Variants in ADCY8 observed in about 807,000 individuals in gnomAD.
The protein encoded by ADCY8 is adenylate cyclase type 8.
Under a neutral mutation model 119.7 loss-of-function variants are expected in ADCY8, and 51 were observed. The observed-to-expected ratio is 0.43, with a 90% CI of 0.34 to 0.54. The LOEUF (loss-of-function observed/expected upper bound fraction) is 0.54, where lower values mean the gene tolerates loss of function less well. ADCY8 is among the 20% of genes least tolerant of loss of function. The probability of loss-of-function intolerance (pLI) is 0.03; values close to 1 mark genes in which losing one functional copy is unlikely to be tolerated. For synonymous variants in ADCY8, 665 were observed against 651.0 expected (o/e 1.02, Z -0.33); for missense variants, 1,383 against 1,598.8 (o/e 0.87, Z 2.30).
intron 15 of ADCY8, among the ~76,000 whole-genome samples, chr8:130,787,770 T>C (rs1313480600): frequency 2.0e-5 from 3 of 150,956 alleles, no homozygotes; most frequent in African/African-American, 7.4e-5. Context: ...TGTCCACATG[T>C]ATGTGTGCCT....
At chr8:130,805,890 C>A (rs1413010384) in intron 14 of ADCY8, among the ~76,000 whole-genome samples, 2 of 152,106 alleles carry the variant, frequency 1.3e-5, no homozygotes, top group Non-Finnish European at 2.9e-5. Context: ...ACAAACAGGT[C>A]CATGAGGATA....
intron 17 of ADCY8, among the ~76,000 whole-genome samples, chr8:130,782,404 G>T (rs1391279594): frequency 6.6e-6 from 1 of 152,192 alleles, no homozygotes; most frequent in Non-Finnish European, 1.5e-5. Flanking sequence ...CGGAGACACA[G>T]AAGGTTTAAA....
rs751412088 is a variant in ADCY8 at position 130,990,475 on chromosome 8, T to A, written c.1028A>T (p.Asp343Val). 8 of 1,614,194 alleles carry A rather than the reference T, an allele frequency of 5.0e-6. No homozygotes were observed. In the South Asian group the frequency reaches 8.8e-5, roughly 18 times the overall value. Residue 343 changes from aspartate (D) to valine (V), a missense_variant, in exon 2 of 18, where the codon GAC (aspartate) becomes GTC (valine). Physicochemically the swap from Asp to Val is radical, Grantham distance 152 (BLOSUM62 -3). This residue lies in a region of ADCY8 where 928 missense variants were observed against 1,163.5 expected (regional missense o/e 0.80). Coordinates refer to ENST00000286355, the MANE Select transcript of ADCY8 (RefSeq NM_001115.3). The stretch of plus-strand genomic sequence containing the variant: ...CAGGAAAGCTTGGCGCTGGGCCCGG[T>A]CTGACAGGTAACTGATGAAGATTCC... ...TAGIFISYLS[D>V]RAQRQAFLET...
intron 1 of ADCY8, among the ~76,000 whole-genome samples, chr8:131,014,977 C>T (rs765374686): frequency 4.0e-4 from 61 of 152,096 alleles, no homozygotes; most frequent in Non-Finnish European, 5.7e-4. Context: ...CAAAATGGGA[C>T]GTATTTCAGA....
At chr8:130,870,183 T>A (rs1818301519) in intron 8 of ADCY8, among the ~76,000 whole-genome samples, 1 of 151,818 alleles carries the variant, frequency 6.6e-6, no homozygotes, top group African/African-American at 2.4e-5. Context: ...CTGGCTAATT[T>A]TTGTATTTTT....
chr8:130,913,502 T>G (rs925783540), intron 5 of ADCY8, among the ~76,000 whole-genome samples: 1 of 152,146 alleles, frequency 6.6e-6, no homozygotes, highest in African/African-American at 2.4e-5. Flanking sequence ...GTAATATGTG[T>G]CACTTCTGGG....
chr8:130,918,230 C>T (rs906270783), intron 5 of ADCY8, among the ~76,000 whole-genome samples: 5 of 152,134 alleles, frequency 3.3e-5, no homozygotes, highest in African/African-American at 7.2e-5. Flanking sequence ...TCTGAGATTA[C>T]GGTGCTAGCA....
At chr8:131,033,281 G>GC (rs1405646198) in intron 1 of ADCY8, among the ~76,000 whole-genome samples, 1 of 152,182 alleles carries the variant, frequency 6.6e-6, no homozygotes, top group African/African-American at 2.4e-5. Flanking sequence ...TGTCACATCA[G>GC]CATGATTGTA....
intron 7 of ADCY8, among the ~76,000 whole-genome samples, chr8:130,898,688 G>T (rs1045717803): frequency 3.9e-5 from 6 of 152,172 alleles, no homozygotes. Flanking sequence ...CTGAAAAGGG[G>T]CCTTGCTTCT....
At chr8:130,815,582 C>T (rs1166938542) in intron 13 of ADCY8, among the ~76,000 whole-genome samples, 1 of 152,160 alleles carries the variant, frequency 6.6e-6, no homozygotes, top group African/African-American at 2.4e-5. Flanking sequence ...ACTAAGATCA[C>T]ACATGAGTTA....
intron 2 of ADCY8, among the ~76,000 whole-genome samples, chr8:130,988,722 A>G (rs1372343634): frequency 6.6e-6 from 1 of 152,194 alleles, no homozygotes; most frequent in African/African-American, 2.4e-5. Context: ...TAAAGATTAG[A>G]GAGAATGGTG....
chr8:130,790,486 A>T (rs1815392439), intron 15 of ADCY8, among the ~76,000 whole-genome samples: 2 of 152,182 alleles, frequency 1.3e-5, no homozygotes, highest in Non-Finnish European at 2.9e-5. Flanking sequence ...CTAATGAAAC[A>T]CAGCATGTCT....
At chr8:130,956,941 CTG>C (rs1435299444) in intron 2 of ADCY8, among the ~76,000 whole-genome samples, 2 of 152,110 alleles carry the variant, frequency 1.3e-5, no homozygotes, top group Non-Finnish European at 2.9e-5. Flanking sequence ...ACCCTTTTTC[CTG>C]TATAAATTAC....
intron 9 of ADCY8, among the ~76,000 whole-genome samples, chr8:130,855,657 G>A (rs1223564188): frequency 6.6e-6 from 1 of 151,716 alleles, no homozygotes; most frequent in Non-Finnish European, 1.5e-5. Context: ...GAGGACAGTG[G>A]CCCCTTCTCC....
chr8:130,814,352 C>A, intron 13 of ADCY8, 125 bp from the exon 14 acceptor site: 1 of 1,042,844 alleles, frequency 9.6e-7, no homozygotes. Flanking sequence ...AGAGCCTGAT[C>A]TGAATATTTT....
At chr8:130,885,092 CA>C (rs199619523) in intron 7 of ADCY8, among the ~76,000 whole-genome samples, 1 of 151,676 alleles carries the variant, frequency 6.6e-6, no homozygotes, top group Non-Finnish European at 1.5e-5. Context: ...GAAAGAGAAC[CA>C]AAAAAATAAC....
At chr8:130,808,937 C>A (rs1171270230) in intron 14 of ADCY8, among the ~76,000 whole-genome samples, 8 of 150,770 alleles carry the variant, frequency 5.3e-5, no homozygotes, top group African/African-American at 2.0e-4. Context: ...TTTCCCGGGA[C>A]TCAGAGCTAG....
At chr8:130,810,347 T>TACACAC (rs58781726) in intron 14 of ADCY8, among the ~76,000 whole-genome samples, 15,644 of 142,530 alleles carry the variant, frequency 0.11, 940 homozygotes, top group East Asian at 0.16. Flanking sequence ...TCTCTTTTTC[T>TACACAC]ACACACACAC....
At chr8:130,883,954 G>T (rs1818879021) in intron 8 of ADCY8, among the ~76,000 whole-genome samples, 2 of 152,158 alleles carry the variant, frequency 1.3e-5, no homozygotes, top group Admixed American at 1.3e-4. Flanking sequence ...ATCATACAGA[G>T]GGGAACTCAC....
Sources: allele counts gnomAD v4.1 joint callset (sites outside exome capture counted in the v4.1 genomes callset), GRCh38; gene constraint gnomAD v4.1.1; regional missense constraint gnomAD v4.1.1; transcripts MANE v1.5; gene names NCBI Gene and HGNC (gene_info 2026-07-23, HGNC 2026-07-21).